Variants in CELF4 observed in about 807,000 individuals in gnomAD.
CELF4 encodes the protein CUG-BP- and ETR-3-like factor 4.
A neutral mutation model predicts 59.9 loss-of-function variants in CELF4; 18 were observed. That is an observed-to-expected ratio of 0.30 (90% confidence interval 0.21 to 0.45). The LOEUF (loss-of-function observed/expected upper bound fraction) is 0.45. CELF4 is among the 20% of genes least tolerant of loss of function. The pLI is 1.00. For synonymous variants in CELF4, 261 were observed against 267.1 expected, an observed-to-expected ratio of 0.98 and a Z score of 0.22; for missense variants, 456 against 689.0, an observed-to-expected ratio of 0.66 and a Z score of 3.79.
At chr18:37,472,243 C>A (rs186393944) in intron 2 of CELF4, among the ~76,000 whole-genome samples, 1 of 152,268 alleles carries the variant, frequency 6.6e-6, no homozygotes. Flanking sequence ...CCAGCTCCAG[C>A]GTCCTTATGG....
chr18:37,362,008 C>T (rs140109414), intron 2 of CELF4, among the ~76,000 whole-genome samples: 2,225 of 152,224 alleles, frequency 0.015, 23 homozygotes, highest in Middle Eastern at 0.031. Context: ...GTCAGAGGAG[C>T]CCTGTGGTCC....
intron 1 of CELF4, among the ~76,000 whole-genome samples, chr18:37,518,279 T>C (rs997884186): frequency 7.9e-5 from 12 of 152,158 alleles, no homozygotes; most frequent in African/African-American, 2.2e-4. Flanking sequence ...TCAGCCCTTA[T>C]TGGATTATAG....
intron 12 of CELF4, among the ~76,000 whole-genome samples, chr18:37,252,496 C>T (rs773008981): frequency 5.3e-5 from 8 of 151,838 alleles, no homozygotes; most frequent in East Asian, 1.9e-4. Flanking sequence ...CCAAAGTCCA[C>T]GCAGTGGCCT....
chr18:37,564,360 T>C (rs2099987493), intron 1 of CELF4, among the ~76,000 whole-genome samples: 1 of 152,116 alleles, frequency 6.6e-6, no homozygotes, highest in Admixed American at 6.5e-5. Flanking sequence ...TGAACACGTT[T>C]GGGGCTCTGC....
intron 2 of CELF4, among the ~76,000 whole-genome samples, chr18:37,444,821 C>G (rs2099743762): frequency 6.6e-6 from 1 of 152,092 alleles, no homozygotes; most frequent in Non-Finnish European, 1.5e-5. Flanking sequence ...TACCTCCCTC[C>G]CGGAGTAAGA....
At chr18:37,268,137 C>T (rs574440682) in intron 8 of CELF4, among the ~76,000 whole-genome samples, 1 of 152,156 alleles carries the variant, frequency 6.6e-6, no homozygotes. Context: ...CTATAGCCCC[C>T]AGGAGCAGGA....
At chr18:37,263,098 G>A (rs757864364) in intron 10 of CELF4, among the ~76,000 whole-genome samples, 2 of 152,122 alleles carry the variant, frequency 1.3e-5, no homozygotes, top group African/African-American at 2.4e-5. Context: ...AATGGAGTTT[G>A]GGGGCAGACT....
At chr18:37,366,458 T>C (rs1255893250) in intron 2 of CELF4, among the ~76,000 whole-genome samples, 1 of 152,136 alleles carries the variant, frequency 6.6e-6, no homozygotes, top group Non-Finnish European at 1.5e-5. Context: ...GCACTGAGGC[T>C]GAGAGGTGGG....
chr18:37,275,342 C>G, intron 3 of CELF4, 99 bp from the exon 4 acceptor site: 14 of 720,542 alleles, frequency 1.9e-5, no homozygotes, highest in South Asian at 1.8e-4. Flanking sequence ...AGGGAGGAGC[C>G]GGGGAGGCGG....
intron 2 of CELF4, among the ~76,000 whole-genome samples, chr18:37,333,742 AT>A (rs1569565702): frequency 2.9e-4 from 43 of 148,306 alleles, no homozygotes; most frequent in African/African-American, 9.9e-4. Context: ...CCATCCATCC[AT>A]CCATCCATCC....
chr18:37,528,520 G>A (rs1019540844), intron 1 of CELF4, among the ~76,000 whole-genome samples: 2 of 152,236 alleles, frequency 1.3e-5, no homozygotes, highest in Non-Finnish European at 2.9e-5. Flanking sequence ...GTAGATTTAT[G>A]TACATGCTGA....
At chr18:37,424,425 C>T (rs1370447334) in intron 2 of CELF4, among the ~76,000 whole-genome samples, 1 of 152,112 alleles carries the variant, frequency 6.6e-6, no homozygotes, top group Non-Finnish European at 1.5e-5. Flanking sequence ...GGTGGCAATA[C>T]CCAGAGAGCA....
intron 2 of CELF4, among the ~76,000 whole-genome samples, chr18:37,338,026 T>C (rs995044652): frequency 6.3e-4 from 93 of 147,684 alleles, no homozygotes; most frequent in Non-Finnish European, 1.2e-3. Context: ...ACCACCACTG[T>C]CGCTGCCACC....
intron 2 of CELF4, among the ~76,000 whole-genome samples, chr18:37,445,213 C>T (rs1258463701): frequency 6.6e-6 from 1 of 152,200 alleles, no homozygotes; most frequent in Admixed American, 6.5e-5. Flanking sequence ...CCCCACCACA[C>T]TTCAGAGACC....
At chr18:37,476,402 G>A (rs959813144) in intron 2 of CELF4, among the ~76,000 whole-genome samples, 4 of 152,162 alleles carry the variant, frequency 2.6e-5, no homozygotes, top group African/African-American at 9.6e-5. Context: ...GTGGGCTCAT[G>A]GGAACATACC....
chr18:37,366,391 A>C, intron 2 of CELF4, among the ~76,000 whole-genome samples: 1 of 151,920 alleles, frequency 6.6e-6, no homozygotes, highest in Non-Finnish European at 1.5e-5. Context: ...CCACTTGCCA[A>C]CTCCGAACCT....
intron 1 of CELF4, among the ~76,000 whole-genome samples, chr18:37,492,537 G>C (rs868687448): frequency 6.6e-6 from 1 of 152,102 alleles, no homozygotes; most frequent in South Asian, 2.1e-4. Flanking sequence ...TCTGTCTTTC[G>C]TGCTCTGGGT....
chr18:37,302,054 G>T (rs953609077), intron 3 of CELF4, among the ~76,000 whole-genome samples: 3 of 152,152 alleles, frequency 2.0e-5, no homozygotes, highest in African/African-American at 2.4e-5. Flanking sequence ...AAACCACTTT[G>T]GTTGGCTTTG....
intron 1 of CELF4, among the ~76,000 whole-genome samples, chr18:37,536,797 C>T (rs2099973874): frequency 6.6e-6 from 1 of 152,170 alleles, no homozygotes; most frequent in South Asian, 2.1e-4. Flanking sequence ...GCAGGCGGCC[C>T]AGGCTTTCAC....
Sources: allele counts gnomAD v4.1 joint callset (sites outside exome capture counted in the v4.1 genomes callset), GRCh38; gene constraint gnomAD v4.1.1; transcripts MANE v1.5; gene names NCBI Gene and HGNC (gene_info 2026-07-23, HGNC 2026-07-21).